The following POLK variants were observed in gnomAD, a reference collection of about 807,000 sequenced individuals.
The protein encoded by POLK is polymerase (DNA directed) kappa.
POLK carries 76 observed loss-of-function variants against 94.0 expected under a neutral mutation model. That is an observed-to-expected ratio of 0.81 (90% confidence interval 0.67 to 0.98). The LOEUF (loss-of-function observed/expected upper bound fraction) is 0.98. POLK is among the 50% of genes least tolerant of loss of function. The pLI, the probability that POLK is intolerant of heterozygous loss-of-function variation, is 0.00. For synonymous variants in POLK, 349 were observed against 325.4 expected, an observed-to-expected ratio of 1.07 and a Z score of -0.78; for missense variants, 954 against 1,010.1, an observed-to-expected ratio of 0.94 and a Z score of 0.75.
intron 4 of POLK, among the ~76,000 whole-genome samples, chr5:75,571,319 C>T (rs1049556616): frequency 2.6e-5 from 4 of 151,956 alleles, no homozygotes; most frequent in African/African-American, 7.3e-5. Context: ...TCTTTTTTGG[C>T]GAATTTGATG....
chr5:75,603,414 A>G (rs1335276186), downstream of POLK, among the ~76,000 whole-genome samples: 1 of 143,518 alleles, frequency 7.0e-6, no homozygotes, highest in Non-Finnish European at 1.5e-5. Context: ...TTCCCATAAT[A>G]GCACTCTCAT....
At chr5:75,581,296 A>G in exon 7 of POLK, 1 of 1,613,266 alleles carries the variant, frequency 6.2e-7, no homozygotes, top group East Asian at 2.2e-5. Flanking sequence ...TCTGATGTGC[A>G]GCCCCCAGGA....
chr5:75,545,648 C>T (rs181593591), intron 1 of POLK, among the ~76,000 whole-genome samples: 149 of 151,650 alleles, frequency 9.8e-4, no homozygotes, highest in Middle Eastern at 3.4e-3. Flanking sequence ...TTAGAGATGA[C>T]GTAACTTTCT....
At chr5:75,577,833 CTTAT>C (rs1230498768) in intron 6 of POLK, among the ~76,000 whole-genome samples, 1 of 152,294 alleles carries the variant, frequency 6.6e-6, no homozygotes, top group Admixed American at 6.5e-5. Context: ...ACTTCATTAC[CTTAT>C]TTAAAGTGCT....
In POLK at chr5:75,526,570, T is replaced by G. The variant is rs151009516; in HGVS notation, c.-14+14656T>G. On this transcript the variant is annotated intron_variant, in intron 1 of 14. Transcript: ENST00000241436. ...AAACTTCTGATTTAATGGGTTTTTT[T>G]TTTGTTTTTTTTTTTTTCTTTTTTT... Among the ~76,000 whole-genome samples the G allele has an allele frequency of 2.0e-3, 303 of 148,932 alleles. 1 individual carries two copies. The East Asian group carries it at 0.027, about 13-fold the overall frequency.
chr5:75,608,000 C>A, the POLK span, among the ~76,000 whole-genome samples: 1 of 152,044 alleles, frequency 6.6e-6, no homozygotes, highest in Non-Finnish European at 1.5e-5. Context: ...TTGAACAGGA[C>A]CTGGTTTTAA....
chr5:75,602,237 T>TG (rs1773311288), downstream of POLK, among the ~76,000 whole-genome samples: 1 of 152,210 alleles, frequency 6.6e-6, no homozygotes, highest in South Asian at 2.1e-4. Context: ...CCTTACCCGT[T>TG]GAGTCTCAAG....
chr5:75,563,120 A>G (rs534281396), intron 3 of POLK, among the ~76,000 whole-genome samples: 1 of 152,172 alleles, frequency 6.6e-6, no homozygotes, highest in South Asian at 2.1e-4. Context: ...GGTAGAATTC[A>G]GCTGTGAATT....
At chr5:75,516,162 T>C (rs144898879) in intron 1 of POLK, among the ~76,000 whole-genome samples, 12 of 152,360 alleles carry the variant, frequency 7.9e-5, no homozygotes, top group African/African-American at 2.6e-4. Flanking sequence ...CATTTTCTCC[T>C]GTTCTGTGGG....
intron 11 of POLK, among the ~76,000 whole-genome samples, chr5:75,591,569 A>T (rs557464960): frequency 1.2e-4 from 18 of 152,262 alleles, no homozygotes; most frequent in African/African-American, 4.3e-4. Context: ...CATTTAATAC[A>T]TTGTCAATTA....
chr5:75,544,345 T>A (rs962187446), intron 1 of POLK, among the ~76,000 whole-genome samples: 1 of 152,070 alleles, frequency 6.6e-6, no homozygotes, highest in African/African-American at 2.4e-5. Context: ...AACCCACCCC[T>A]GTCTCTAAAA....
At chr5:75,530,054 C>T (rs901780245) in intron 1 of POLK, among the ~76,000 whole-genome samples, 1 of 151,938 alleles carries the variant, frequency 6.6e-6, no homozygotes, top group Admixed American at 6.6e-5. Flanking sequence ...ATATAGGGCC[C>T]TTTTTACTTG....
chr5:75,596,841 A>G (rs2076035934), exon 13 of POLK: 6 of 1,609,476 alleles, frequency 3.7e-6, no homozygotes, highest in Non-Finnish European at 5.1e-6. Context: ...CAGAAAGCAT[A>G]GATGCTTTAA....
intron 3 of POLK, 147 bp from the exon 4 acceptor site, chr5:75,569,193 G>GT: frequency 1.7e-6 from 1 of 591,198 alleles, no homozygotes; most frequent in Non-Finnish European, 2.9e-6. Flanking sequence ...AAGTGGATGG[G>GT]TGGATGGATG....
intron 1 of POLK, among the ~76,000 whole-genome samples, chr5:75,541,158 C>T (rs1417718194): frequency 2.0e-5 from 3 of 152,012 alleles, no homozygotes; most frequent in East Asian, 3.9e-4. Flanking sequence ...TGGTGCATGC[C>T]TGTAATCCCA....
intron 9 of POLK, among the ~76,000 whole-genome samples, chr5:75,585,752 G>A (rs925684070): frequency 6.6e-6 from 1 of 152,078 alleles, no homozygotes; most frequent in Admixed American, 6.5e-5. Flanking sequence ...GTCAACTCTG[G>A]GCACTATTTT....
intron 1 of POLK, among the ~76,000 whole-genome samples, chr5:75,540,437 G>A (rs532542717): frequency 6.6e-6 from 1 of 152,096 alleles, no homozygotes; most frequent in South Asian, 2.1e-4. Flanking sequence ...CTCCCGAGTA[G>A]CTGGGACTAC....
At chr5:75,513,317 T>C (rs1367422825) in intron 1 of POLK, among the ~76,000 whole-genome samples, 4 of 152,240 alleles carry the variant, frequency 2.6e-5, no homozygotes, top group African/African-American at 9.6e-5. Context: ...GCTTTGATCC[T>C]TAAGGTGACT....
Position 75,573,365 on chromosome 5 carries a change from T to G in POLK, c.409-373T>G, listed in dbSNP as rs190121251. Among the ~76,000 whole-genome samples the G allele has an allele frequency of 2.1e-3, 312 of 151,740 alleles. 1 individual carries two copies. The East Asian group carries it at 0.027, about 13-fold the overall frequency. On this transcript the variant is annotated intron_variant, in intron 4 of 14. Coordinates refer to ENST00000241436, the Ensembl canonical transcript of POLK. Reference sequence around the variant, plus strand: ...ATATCACACTCTGGGGATTGTTGTGTGGTGGGGGGAAGGGGGAGGGATAGC... The same window carrying G: ...ATATCACACTCTGGGGATTGTTGTGGGGTGGGGGGAAGGGGGAGGGATAGC...
Sources: allele counts gnomAD v4.1 joint callset (sites outside exome capture counted in the v4.1 genomes callset), GRCh38; gene constraint gnomAD v4.1.1; transcripts MANE v1.5; gene names NCBI Gene and HGNC (gene_info 2026-07-23, HGNC 2026-07-21).